HSF1: variants seen among roughly 807,000 people sequenced by gnomAD.
The protein encoded by HSF1 is heat shock factor protein 1.
Under a neutral mutation model 51.7 loss-of-function variants are expected in HSF1, and 32 were observed. The observed-to-expected ratio is 0.62, with a 90% CI of 0.47 to 0.83. HSF1 has a LOEUF of 0.83. HSF1 is among the 40% of genes least tolerant of loss of function. The probability of loss-of-function intolerance (pLI) is 0.00; values close to 1 mark genes in which losing one functional copy is unlikely to be tolerated. For missense variants in HSF1, 727 were observed against 717.0 expected (o/e 1.01, Z -0.16); for synonymous variants, 396 against 309.7 (o/e 1.28, Z -2.92).
chr8:144,302,960 C>T (rs1326918205), intron 1 of HSF1, among the ~76,000 whole-genome samples: 3 of 152,068 alleles, frequency 2.0e-5, no homozygotes, highest in African/African-American at 4.8e-5. Context: ...GCAGCGACAG[C>T]GACTAGAACA....
In HSF1 at chr8:144,311,722, G is replaced by C; in HGVS notation, c.746G>C (p.Ser249Thr). The C allele has an allele frequency of 6.2e-7, 1 of 1,612,152 alleles. No homozygotes were observed. Among genetic ancestry groups the C allele is most frequent in the African/African-American group, 1.3e-5 (1 of 75,022 alleles). The change falls in exon 8 of 13, where the codon AGC (serine) becomes ACC (threonine). Residue 249 changes from serine (S) to threonine (T), a missense_variant. Ser to Thr is a moderately conservative substitution (Grantham distance 58). Coordinates refer to ENST00000528838, the MANE Select transcript of HSF1 (RefSeq NM_005526.4). ...PYSAPSPAYS[S>T]SSLYAPDAVA... is the part of the protein sequence containing the mutation. Reference sequence around the variant, plus strand: ...CAGGCCCCCTCCCCAGCCTACAGCAGCTCCAGCCTCTACGCCCCTGATGCT... The same window carrying C: ...CAGGCCCCCTCCCCAGCCTACAGCACCTCCAGCCTCTACGCCCCTGATGCT...
intron 1 of HSF1, among the ~76,000 whole-genome samples, chr8:144,302,949 C>T (rs982955787): frequency 2.6e-4 from 40 of 152,162 alleles, no homozygotes; most frequent in Non-Finnish European, 4.6e-4. Flanking sequence ...ACACGAAAAC[C>T]GCAGCGACAG....
chr8:144,302,777 G>A (rs540188530), intron 1 of HSF1, among the ~76,000 whole-genome samples: 2 of 152,012 alleles, frequency 1.3e-5, no homozygotes, highest in Non-Finnish European at 2.9e-5. Flanking sequence ...AGCCCAGATC[G>A]CGCCACTGCA....
intron 1 of HSF1, among the ~76,000 whole-genome samples, chr8:144,300,556 T>TTGA (rs1382109565): frequency 2.6e-5 from 4 of 152,178 alleles, no homozygotes; most frequent in African/African-American, 9.7e-5. Context: ...CTCTACCTCT[T>TTGA]TGATCTTCCT....
At chr8:144,308,179 C>T (rs1422715671) in intron 1 of HSF1, among the ~76,000 whole-genome samples, 2 of 152,192 alleles carry the variant, frequency 1.3e-5, no homozygotes, top group Admixed American at 6.5e-5. Context: ...ACCCCTCACC[C>T]CTCTCTGGCC....
intron 1 of HSF1, among the ~76,000 whole-genome samples, chr8:144,294,466 C>T: frequency 6.6e-6 from 1 of 152,206 alleles, no homozygotes. Context: ...CACCATTCTG[C>T]CAAGAAAAAC....
intron 1 of HSF1, among the ~76,000 whole-genome samples, chr8:144,308,541 C>T (rs1052512208): frequency 9.9e-5 from 15 of 151,986 alleles, no homozygotes; most frequent in Non-Finnish European, 1.9e-4. Context: ...CAGAGTGCGG[C>T]GGGTGCTTTG....
chr8:144,311,409 A>T (rs1564621866), intron 6 of HSF1, 27 bp downstream of exon 6: 10 of 1,612,702 alleles, frequency 6.2e-6, no homozygotes, highest in Non-Finnish European at 8.5e-6. Context: ...GCCTGCATCC[A>T]CCACCCGGGG....
chr8:144,292,001 G>GC (rs782257666), intron 1 of HSF1, 127 bp downstream of exon 1: 4 of 471,436 alleles, frequency 8.5e-6, no homozygotes, highest in Non-Finnish European at 1.4e-5. Context: ...AGCCTGCCCT[G>GC]CCCCCGCCAG....
chr8:144,308,935 G>A lies in HSF1; in HGVS notation c.147G>A (p.Gln49=), dbSNP rs782729625. The change falls in exon 2 of 13, where the codon CAG becomes CAA. Residue 49 remains glutamine, a synonymous_variant. Transcript: ENST00000528838. Reference sequence around the variant, plus strand: ...GGAACAGCTTCCACGTGTTCGACCAGGGCCAGTTTGCCAAGGAGGTGCTGC... The same window carrying A: ...GGAACAGCTTCCACGTGTTCGACCAAGGCCAGTTTGCCAAGGAGGTGCTGC... ...PSGNSFHVFD[Q]GQFAKEVLPK... 1.1e-5 allele frequency: 17 copies of A among 1,614,060 alleles called. No individual in the cohort carries two copies. The East Asian group carries it at 2.2e-4, about 21-fold the overall frequency.
chr8:144,307,227 G>A (rs1368561985), intron 1 of HSF1, among the ~76,000 whole-genome samples: 6 of 152,206 alleles, frequency 3.9e-5, no homozygotes, highest in East Asian at 1.9e-4. Context: ...GGCACACCTC[G>A]GCAAACAGCT....
At chr8:144,312,891 G>T in intron 9 of HSF1, 1 of 613,746 alleles carries the variant, frequency 1.6e-6, no homozygotes, top group South Asian at 1.9e-5. Context: ...CGGGCCTGTG[G>T]TCATTGCCTG....
intron 9 of HSF1, chr8:144,312,619 A>G (rs1350981878): frequency 1.3e-6 from 2 of 1,534,774 alleles, no homozygotes; most frequent in Non-Finnish European, 1.7e-6. Context: ...TTGTTTTTGT[A>G]TCTTGCAGTT....
intron 1 of HSF1, among the ~76,000 whole-genome samples, chr8:144,307,038 C>T (rs1029701257): frequency 6.6e-6 from 1 of 152,046 alleles, no homozygotes; most frequent in Non-Finnish European, 1.5e-5. Context: ...AGTGAGAGCT[C>T]GGGGCTGGCT....
intron 1 of HSF1, among the ~76,000 whole-genome samples, chr8:144,307,945 G>A (rs982418168): frequency 3.9e-5 from 6 of 152,208 alleles, no homozygotes; most frequent in Non-Finnish European, 8.8e-5. Context: ...GCTGCCTTGG[G>A]GTCCTTTCCG....
chr8:144,313,542 G>C lies in HSF1; in HGVS notation c.1174G>C (p.Asp392His). 6.2e-7 allele frequency: 1 copy of C among 1,612,136 alleles called. No individual in the cohort carries two copies. The highest frequency in any genetic ancestry group is 8.5e-7 in the Non-Finnish European group (1 of 1,179,300). ...GCTCAGTGACCACTTGGATGCTATG[G>C]ACTCCAACCTGGATAACCTGCAGAC... ...NELSDHLDAM[D>H]SNLDNLQTML... Residue 392 changes from aspartate to histidine, a missense_variant, in exon 10 of 13, where the codon GAC becomes CAC. Around this residue, in one of 2 missense-constraint regions of HSF1, gnomAD observed 470 missense variants for 398.8 expected, o/e 1.18. Transcript: ENST00000528838.
At position 144,314,107 on chromosome 8, in the gene HSF1, A is replaced by ACCCC; in HGVS notation, c.1385-17_1385-16insCCCC. ...CTGCCCCCAACCCCCCACCGCCTTGACACCCCCACCCCCGCAGGGAAGCAG... is the reference window on the plus strand; with the variant it reads ...CTGCCCCCAACCCCCCACCGCCTTGACCCCCACCCCCACCCCCGCAGGGAAGCAG... On this transcript the variant is annotated splice_polypyrimidine_tract_variant and intron_variant, in intron 12 of 12. Transcript: ENST00000528838. 1.9e-6 allele frequency: 1 copy of ACCCC among 525,500 alleles called. No individual in the cohort carries two copies. The highest frequency in any genetic ancestry group is 8.9e-5 in the East Asian group (1 of 11,276). The allele number at this position is 525,500 out of a possible 1,614,324, so 32.6% of individuals were successfully genotyped here.
intron 4 of HSF1, chr8:144,310,142 G>A (rs1270829825): frequency 1.0e-5 from 5 of 489,798 alleles, no homozygotes; most frequent in African/African-American, 9.8e-5. Flanking sequence ...CATCCCCAGC[G>A]CCCTCTGGGC....
At chr8:144,298,959 G>C (rs1232149904) in intron 1 of HSF1, among the ~76,000 whole-genome samples, 1 of 152,232 alleles carries the variant, frequency 6.6e-6, no homozygotes, top group Non-Finnish European at 1.5e-5. Flanking sequence ...GGTTATTTCA[G>C]TTCCCACCAG....
Sources: gnomAD v4.1 joint callset for allele counts (sites outside exome capture counted in the v4.1 genomes callset) on GRCh38, gnomAD v4.1.1 for gene constraint, gnomAD v4.1.1 regional missense constraint, MANE v1.5 for transcripts, NCBI Gene and HGNC (gene_info 2026-07-23, HGNC 2026-07-21) for gene names.